Variants in FBXL13 observed in about 807,000 individuals in gnomAD.
The protein encoded by FBXL13 is F-box and leucine-rich repeat protein 13.
In FBXL13, 67 loss-of-function variants were observed where a neutral mutation model predicts 83.6. That is an observed-to-expected ratio of 0.80 (90% CI 0.66 to 0.98). The LOEUF (loss-of-function observed/expected upper bound fraction) is 0.98. FBXL13 is among the 50% of genes least tolerant of loss of function. The probability of loss-of-function intolerance (pLI) is 0.00; values close to 1 mark genes in which losing one functional copy is unlikely to be tolerated. For missense variants in FBXL13, 822 were observed against 866.5 expected (o/e 0.95, Z 0.64); for synonymous variants, 272 against 299.5 (o/e 0.91, Z 0.95).
chr7:102,814,419 G>A (rs1345462935), intron 19 of FBXL13: 1 of 152,070 alleles, frequency 6.6e-6, no homozygotes, highest in African/African-American at 2.4e-5. Context: ...AGTTTGTGCT[G>A]AATGGCCATA....
At chr7:102,922,794 A>G (rs1817320056) in intron 10 of FBXL13, among the ~76,000 whole-genome samples, 1 of 152,042 alleles carries the variant, frequency 6.6e-6, no homozygotes, top group African/African-American at 2.4e-5. Context: ...AACACAGTGA[A>G]ACCCCGTCTC....
At chr7:102,877,505 C>A in exon 16 of FBXL13, 1 of 1,610,600 alleles carries the variant, frequency 6.2e-7, no homozygotes, top group Non-Finnish European at 8.5e-7. Flanking sequence ...TCTATTGATA[C>A]CAAGGAAAAG....
chr7:102,884,831 G>A (rs948932905), intron 11 of FBXL13, among the ~76,000 whole-genome samples: 9 of 151,992 alleles, frequency 5.9e-5, no homozygotes, highest in Non-Finnish European at 1.2e-4. Context: ...ATCATTAATC[G>A]GTGTCCTGTC....
At chr7:102,950,484 A>G (rs1477850711) in intron 8 of FBXL13, among the ~76,000 whole-genome samples, 1 of 152,236 alleles carries the variant, frequency 6.6e-6, no homozygotes, top group Admixed American at 6.5e-5. Flanking sequence ...CTCTTACCAT[A>G]TAATCCAGCA....
intron 16 of FBXL13, among the ~76,000 whole-genome samples, chr7:102,858,221 T>C (rs1039190748): frequency 6.6e-6 from 1 of 152,134 alleles, no homozygotes; most frequent in African/African-American, 2.4e-5. Flanking sequence ...ATACCACATG[T>C]CCTCACTCAT....
At chr7:103,038,758 A>G (rs533883157) in intron 2 of FBXL13, among the ~76,000 whole-genome samples, 1 of 152,228 alleles carries the variant, frequency 6.6e-6, no homozygotes, top group Non-Finnish European at 1.5e-5. Flanking sequence ...TAACAAACAG[A>G]AAGGAATATC....
chr7:102,834,379 A>G lies in FBXL13; in HGVS notation c.1720-1405T>C, dbSNP rs1801458649. On this transcript the variant is annotated intron_variant, in intron 17 of 19. Coordinates refer to ENST00000313221, the Ensembl canonical transcript of FBXL13. ...AAAGATACTTCTTATTTATATATAAATTATATATATATATATTATATGCGA... is the reference window on the plus strand; with the variant it reads ...AAAGATACTTCTTATTTATATATAAGTTATATATATATATATTATATGCGA... Among the ~76,000 whole-genome samples, 3 of 144,042 alleles carry G rather than the reference A, an allele frequency of 2.1e-5. No homozygotes were observed. The South Asian group carries it at 6.3e-4, about 30-fold the overall frequency. 94.5% of individuals were successfully genotyped at this position (144,042 alleles called of 152,430 possible).
At chr7:102,939,389 C>T (rs771108621) in intron 8 of FBXL13, 1 of 1,546,090 alleles carries the variant, frequency 6.5e-7, no homozygotes, top group Admixed American at 1.8e-5. Flanking sequence ...GAAATGGGGG[C>T]AAAAAGAGCA....
intron 2 of FBXL13, among the ~76,000 whole-genome samples, chr7:103,054,418 T>G (rs4576360): frequency 0.97 from 146,058 of 150,176 alleles, 71,179 homozygotes; most frequent in East Asian, 1. Flanking sequence ...AGAGAGAGAG[T>G]TATCACACAT....
rs150143137 is a variant in FBXL13 at position 102,840,841 on chromosome 7, C to T, written c.1720-7867G>A. 1.4e-3 allele frequency among the ~76,000 whole-genome samples: 206 copies of T among 152,244 alleles called. 2 individuals are homozygous for T. Among genetic ancestry groups the T allele is most frequent in the African/African-American group, 4.8e-3 (201 of 41,552 alleles). On this transcript the variant is annotated intron_variant, in intron 17 of 19. Transcript: ENST00000313221. Reference sequence around the variant, plus strand: ...AGAAAGAAAATAACTGTCTACCTATCTCATAGGCCTATTAGAAGATTAAAA... The same window carrying T: ...AGAAAGAAAATAACTGTCTACCTATTTCATAGGCCTATTAGAAGATTAAAA...
intron 14 of FBXL13, among the ~76,000 whole-genome samples, chr7:102,881,978 T>C (rs1810159218): frequency 6.6e-6 from 1 of 152,144 alleles, no homozygotes; most frequent in Non-Finnish European, 1.5e-5. Context: ...TTCTGTGTAG[T>C]GGGCCAGTGC....
At chr7:102,834,100 AAG>A (rs1394242567) in intron 17 of FBXL13, among the ~76,000 whole-genome samples, 2 of 105,734 alleles carry the variant, frequency 1.9e-5, no homozygotes, top group African/African-American at 4.4e-5. Flanking sequence ...GAAAGAAAGA[AAG>A]AAAGAAAGAA....
At chr7:103,031,488 G>A (rs1794506735) in intron 2 of FBXL13, 1 of 152,164 alleles carries the variant, frequency 6.6e-6, no homozygotes. Context: ...GAGGGCAAAG[G>A]ATTCTGGTAA....
At chr7:102,888,933 A>G (rs1468220977) in intron 11 of FBXL13, among the ~76,000 whole-genome samples, 1 of 152,166 alleles carries the variant, frequency 6.6e-6, no homozygotes, top group Non-Finnish European at 1.5e-5. Flanking sequence ...CTCGACTCTT[A>G]GTTTCCTCAT....
intron 2 of FBXL13, among the ~76,000 whole-genome samples, chr7:103,035,059 G>A (rs1026231632): frequency 6.6e-6 from 1 of 152,206 alleles, no homozygotes; most frequent in African/African-American, 2.4e-5. Context: ...GTTATTAGCA[G>A]TCTTCAGAAA....
At chr7:102,829,325 C>A (rs532925076) in intron 18 of FBXL13, among the ~76,000 whole-genome samples, 1 of 152,320 alleles carries the variant, frequency 6.6e-6, no homozygotes, top group South Asian at 2.1e-4. Flanking sequence ...CAGACTCAGA[C>A]AAGTTGGTAA....
rs1462463722 is a variant in FBXL13, at chr7:103,055,080, A to G, written c.-1+564T>C. On this transcript the variant is annotated intron_variant, in intron 2 of 19. Coordinates refer to ENST00000313221, the Ensembl canonical transcript of FBXL13. ...TATATTTGCGTATTCTTGATTACTA[A>G]TAATTACCAGCTGATCATCCAATTC... 4 of 1,263,534 alleles carry G rather than the reference A, an allele frequency of 3.2e-6. No individual in the cohort carries two copies. Among genetic ancestry groups the G allele is most frequent in the Non-Finnish European group, 4.1e-6 (4 of 968,472 alleles). The allele number at this position is 1,263,534 out of a possible 1,614,324, so 78.3% of individuals were successfully genotyped here.
chr7:103,032,220 G>A (rs910204497), intron 2 of FBXL13, among the ~76,000 whole-genome samples: 5 of 152,098 alleles, frequency 3.3e-5, no homozygotes, highest in Admixed American at 6.5e-5. Context: ...TGCCAGGGTT[G>A]GAGGAAAATA....
At chr7:102,955,172 C>A (rs1391244712) in intron 8 of FBXL13, among the ~76,000 whole-genome samples, 1 of 152,146 alleles carries the variant, frequency 6.6e-6, no homozygotes, top group Non-Finnish European at 1.5e-5. Flanking sequence ...TGTAAAACAA[C>A]AGAAATCACA....
Sources: gnomAD v4.1 joint callset for allele counts (sites outside exome capture counted in the v4.1 genomes callset) on GRCh38, gnomAD v4.1.1 for gene constraint, MANE v1.5 for transcripts, NCBI Gene and HGNC (gene_info 2026-07-23, HGNC 2026-07-21) for gene names.